The following SOX6 variants were observed in gnomAD, a reference collection of about 807,000 sequenced individuals.
The protein encoded by SOX6 is transcription factor SOX-6.
In SOX6, 11 loss-of-function variants were observed where a neutral mutation model predicts 97.8. The ratio of observed to expected loss-of-function variants is 0.11; its 90% CI spans 0.07 to 0.19. The LOEUF is 0.19. Ranked by LOEUF, SOX6 falls within the 10% of genes least tolerant of loss-of-function variation. The pLI is 1.00. For synonymous variants in SOX6, 360 were observed against 371.4 expected, an observed-to-expected ratio of 0.97 and a Z score of 0.35; for missense variants, 810 against 1,039.5, an observed-to-expected ratio of 0.78 and a Z score of 3.04.
At chr11:16,723,498 GA>G (rs1246207681) in intron 2 of SOX6, among the ~76,000 whole-genome samples, 21 of 147,258 alleles carry the variant, frequency 1.4e-4, no homozygotes, top group East Asian at 7.9e-4. Context: ...AAAAGAAAAA[GA>G]AAAAAAAAAC....
intron 6 of SOX6, among the ~76,000 whole-genome samples, chr11:16,161,592 G>C (rs1297201514): frequency 6.6e-6 from 1 of 152,092 alleles, no homozygotes; most frequent in Non-Finnish European, 1.5e-5. Flanking sequence ...CAGGACAAAG[G>C]AAAAATGCTG....
chr11:16,132,189 A>G (rs12789147), intron 6 of SOX6, among the ~76,000 whole-genome samples: 1 of 150,388 alleles, frequency 6.6e-6, no homozygotes, highest in Non-Finnish European at 1.5e-5. Flanking sequence ...GCCTATATCT[A>G]CAGCCTATAA....
At chr11:16,532,675 T>C (rs1432769584) in intron 4 of SOX6, among the ~76,000 whole-genome samples, 1 of 151,902 alleles carries the variant, frequency 6.6e-6, no homozygotes, top group African/African-American at 2.4e-5. Context: ...ATAATATGCC[T>C]TAACATTTAA....
intron 1 of SOX6, among the ~76,000 whole-genome samples, chr11:16,470,611 T>A (rs1860125536): frequency 6.6e-6 from 1 of 152,114 alleles, no homozygotes. Flanking sequence ...CCCGACTTAG[T>A]CTATCTCAAA....
intron 6 of SOX6, among the ~76,000 whole-genome samples, chr11:16,143,614 G>T (rs1160305418): frequency 6.6e-6 from 1 of 152,132 alleles, no homozygotes; most frequent in East Asian, 1.9e-4. Context: ...CCCATTTCAC[G>T]TGCAGAGACA....
chr11:16,574,808 T>C (rs1300140882), intron 4 of SOX6, among the ~76,000 whole-genome samples: 1 of 152,012 alleles, frequency 6.6e-6, no homozygotes, highest in Non-Finnish European at 1.5e-5. Flanking sequence ...TTTGGGAGGC[T>C]AAGGCAGGTG....
intron 12 of SOX6, among the ~76,000 whole-genome samples, chr11:16,022,380 T>A (rs180841334): frequency 0.021 from 3,122 of 147,732 alleles, 85 homozygotes; most frequent in African/African-American, 0.075. Context: ...CCTTCCTCCC[T>A]CCCTCCCTTC....
intron 4 of SOX6, among the ~76,000 whole-genome samples, chr11:16,211,110 A>C (rs1852214196): frequency 2.0e-5 from 3 of 152,164 alleles, no homozygotes; most frequent in Non-Finnish European, 2.9e-5. Flanking sequence ...AAAATAAAAA[A>C]ATTTAAAAAG....
At chr11:16,672,120 A>ACCG (rs1847851412) in intron 3 of SOX6, among the ~76,000 whole-genome samples, 1 of 152,186 alleles carries the variant, frequency 6.6e-6, no homozygotes, top group African/African-American at 2.4e-5. Context: ...TTACCATCAG[A>ACCG]CCGGCCTTAC....
At chr11:16,411,050 T>G (rs547065363) in intron 1 of SOX6, among the ~76,000 whole-genome samples, 2 of 151,906 alleles carry the variant, frequency 1.3e-5, no homozygotes, top group Admixed American at 6.6e-5. Flanking sequence ...AGGCGTAGTG[T>G]CAGAGAAGGC....
At chr11:16,301,216 C>G (rs1358897408) in intron 3 of SOX6, among the ~76,000 whole-genome samples, 1 of 152,160 alleles carries the variant, frequency 6.6e-6, no homozygotes, top group African/African-American at 2.4e-5. Flanking sequence ...TTGACATATA[C>G]AGCCTGTAGC....
intron 4 of SOX6, among the ~76,000 whole-genome samples, chr11:16,222,830 C>T (rs1300785692): frequency 1.3e-5 from 2 of 152,072 alleles, no homozygotes; most frequent in Non-Finnish European, 2.9e-5. Context: ...AATTCAGAAG[C>T]TAAGTAGGTA....
At chr11:16,114,829 C>T (rs570961521) in intron 6 of SOX6, among the ~76,000 whole-genome samples, 1 of 138,274 alleles carries the variant, frequency 7.2e-6, no homozygotes, top group Non-Finnish European at 1.7e-5. Context: ...TTATATTGGT[C>T]GCCCAAGCTC....
intron 4 of SOX6, among the ~76,000 whole-genome samples, chr11:16,520,641 C>T (rs1250394275): frequency 2.0e-5 from 3 of 152,206 alleles, no homozygotes; most frequent in African/African-American, 7.2e-5. Flanking sequence ...ACAGTGGGTG[C>T]AGCACAACAT....
chr11:15,974,355 T>TTTTTTTC (rs1853401005), intron 15 of SOX6, among the ~76,000 whole-genome samples: 1 of 133,542 alleles, frequency 7.5e-6, no homozygotes, highest in African/African-American at 2.9e-5. Flanking sequence ...ATTCTTTTTT[T>TTTTTTTC]TGTTTTTTTC....
At chr11:16,707,845 T>C (rs555077761) in intron 3 of SOX6, among the ~76,000 whole-genome samples, 6 of 152,138 alleles carry the variant, frequency 3.9e-5, no homozygotes, top group Non-Finnish European at 7.4e-5. Flanking sequence ...CTTTTTCAGA[T>C]TTTCAGATTT....
At chr11:16,645,113 G>A (rs570904614) in intron 3 of SOX6, among the ~76,000 whole-genome samples, 105 of 152,204 alleles carry the variant, frequency 6.9e-4, no homozygotes, top group Non-Finnish European at 9.7e-4. Flanking sequence ...ATATTCATTC[G>A]TCATCCTTAC....
At chr11:16,640,731 G>A (rs1024812506) in intron 3 of SOX6, among the ~76,000 whole-genome samples, 3 of 152,110 alleles carry the variant, frequency 2.0e-5, no homozygotes, top group Admixed American at 1.3e-4. Flanking sequence ...ATGGTAGTTT[G>A]TATTTCTGTG....
chr11:16,353,555 C>A (rs1590151563), intron 1 of SOX6, among the ~76,000 whole-genome samples: 2 of 152,134 alleles, frequency 1.3e-5, no homozygotes, highest in South Asian at 4.2e-4. Context: ...TCTTGTATTT[C>A]TCCCTCTGTA....
Sources: allele counts gnomAD v4.1 joint callset (sites outside exome capture counted in the v4.1 genomes callset), GRCh38; gene constraint gnomAD v4.1.1; transcripts MANE v1.5; gene names NCBI Gene and HGNC (gene_info 2026-07-23, HGNC 2026-07-21).